Variants in NAV1 observed in about 807,000 individuals in gnomAD.
The protein encoded by NAV1 is neuron navigator 1, also known as pore membrane and/or filament interacting like protein 3.
NAV1 carries 18 observed loss-of-function variants against 175.2 expected under a neutral mutation model. The observed-to-expected ratio is 0.10, with a 90% CI of 0.07 to 0.15. The LOEUF (loss-of-function observed/expected upper bound fraction) is 0.15. NAV1 is among the 10% of genes least tolerant of loss of function. The pLI is 1.00. For synonymous variants in NAV1, 897 were observed against 978.7 expected (o/e 0.92, Z 1.56); for missense variants, 1,731 against 2,436.6 (o/e 0.71, Z 6.10).
intron 15 of NAV1, among the ~76,000 whole-genome samples, chr1:201,799,085 AAAAAAAG>A (rs1677663905): frequency 2.0e-5 from 3 of 151,972 alleles, no homozygotes; most frequent in Admixed American, 6.6e-5. Context: ...CAAAAAAAAG[AAAAAAAG>A]AAAAAAGAAA....
At chr1:201,671,788 A>G (rs181012589) in intron 1 of NAV1, among the ~76,000 whole-genome samples, 92 of 152,310 alleles carry the variant, frequency 6.0e-4, no homozygotes, top group Admixed American at 1.2e-3. Flanking sequence ...GGGAGTTCCC[A>G]TGGGGAACCA....
At chr1:201,800,893 A>G (rs559107299) in intron 15 of NAV1, among the ~76,000 whole-genome samples, 1 of 136,786 alleles carries the variant, frequency 7.3e-6, no homozygotes, top group African/African-American at 2.7e-5. Context: ...TAGTTATGCA[A>G]TCTCAGCCCA....
At chr1:201,558,859 G>C (rs1278171275) in intron 1 of NAV1, among the ~76,000 whole-genome samples, 1 of 152,162 alleles carries the variant, frequency 6.6e-6, no homozygotes, top group African/African-American at 2.4e-5. Context: ...TCCTCTTTGG[G>C]GTCTGGCTTC....
At chr1:201,549,127 CTTT>C (rs1665764394) in intron 1 of NAV1, among the ~76,000 whole-genome samples, 2 of 144,680 alleles carry the variant, frequency 1.4e-5, no homozygotes, top group African/African-American at 5.0e-5. Context: ...TTCTTTCTTT[CTTT>C]CTTTCTTTCT....
Position 201,577,948 on chromosome 1 carries a change from G to T in NAV1, c.-143-10591G>T, listed in dbSNP as rs192456772. On this transcript the variant is annotated intron_variant, in intron 1 of 33. Transcript: ENST00000685211. ...AAGATTGTTTCTTTGTCTTTAACTC[G>T]CAGATGCTTAATTTGTGATTTCTTT... Among the ~76,000 whole-genome samples the T allele has an allele frequency of 1.1e-3, 160 of 152,150 alleles. 1 individual carries two copies. Among genetic ancestry groups the T allele is most frequent in the African/African-American group, 3.8e-3 (158 of 41,486 alleles).
At chr1:201,703,984 G>A (rs1347447470) in intron 1 of NAV1, among the ~76,000 whole-genome samples, 2 of 152,194 alleles carry the variant, frequency 1.3e-5, no homozygotes, top group African/African-American at 4.8e-5. Flanking sequence ...CAGGGGACTG[G>A]AGCAGAAAGG....
At chr1:201,665,429 C>T (rs1417729805) in intron 1 of NAV1, among the ~76,000 whole-genome samples, 1 of 152,158 alleles carries the variant, frequency 6.6e-6, no homozygotes, top group Admixed American at 6.5e-5. Context: ...GCTGAGGGCT[C>T]ATGGAGATGG....
rs1481901169 is a variant in NAV1 at position 201,803,656 on chromosome 1, A to G, written c.3581A>G (p.His1194Arg). Residue 1194 changes from histidine to arginine, a missense_variant, in exon 16 of 30, where the codon CAT (histidine) becomes CGT (arginine). Coordinates refer to ENST00000367296, the Ensembl canonical transcript of NAV1. ...TCAAGCCTCAACAGCATCACTAGCCATTCCAGCATCGGCAGCAGCAAGGAT... is the reference window on the plus strand; with the variant it reads ...TCAAGCCTCAACAGCATCACTAGCCGTTCCAGCATCGGCAGCAGCAAGGAT... 1.4e-5 allele frequency: 23 copies of G among 1,613,764 alleles called. No individual in the cohort carries two copies. The highest frequency in any genetic ancestry group is 2.7e-5 in the African/African-American group (2 of 74,894).
intron 2 of NAV1, among the ~76,000 whole-genome samples, chr1:201,608,239 A>G (rs943214583): frequency 3.3e-5 from 5 of 152,230 alleles, no homozygotes; most frequent in Non-Finnish European, 5.9e-5. Flanking sequence ...TGCACAGCTT[A>G]TAAGTAGAAC....
intron 1 of NAV1, among the ~76,000 whole-genome samples, chr1:201,577,525 C>A (rs971326551): frequency 6.8e-6 from 1 of 146,232 alleles, no homozygotes; most frequent in African/African-American, 2.5e-5. Context: ...ACTCCAGCAC[C>A]ATTTGTTGGA....
chr1:201,731,237 C>T (rs943968236), intron 3 of NAV1, among the ~76,000 whole-genome samples: 4 of 151,938 alleles, frequency 2.6e-5, no homozygotes, highest in African/African-American at 4.8e-5. Context: ...AAATGAGAGA[C>T]AGACAGATAC....
At chr1:201,702,144 A>G (rs1571894068) in intron 1 of NAV1, among the ~76,000 whole-genome samples, 1 of 152,234 alleles carries the variant, frequency 6.6e-6, no homozygotes. Context: ...CACATATTGC[A>G]TGATTACATT....
In NAV1 at chr1:201,631,077, C is replaced by T. The variant is rs188166216; in HGVS notation, c.4+1570C>T. Among the ~76,000 whole-genome samples, 134 of 152,282 alleles carry T rather than the reference C, an allele frequency of 8.8e-4. 1 individual carries two copies. The highest frequency in any genetic ancestry group is 3.1e-3 in the African/African-American group (130 of 41,564). The stretch of plus-strand genomic sequence containing the variant: ...TCACGGTTGGGTACCTCTGGGGGGA[C>T]AGAGTGCCGGGGAACATTTGGAGGA... On this transcript the variant is annotated intron_variant, in intron 2 of 29. Transcript: ENST00000367302.
At chr1:201,709,825 G>A (rs530132484) in intron 1 of NAV1, among the ~76,000 whole-genome samples, 1 of 152,222 alleles carries the variant, frequency 6.6e-6, no homozygotes, top group Non-Finnish European at 1.5e-5. Flanking sequence ...GCTGCCTGGA[G>A]TCAAGTGTTC....
rs1482639754 is a variant in NAV1 at position 201,625,317 on chromosome 1, G to T, written c.-101+1711G>T. Among the ~76,000 whole-genome samples, 3 of 152,228 alleles carry T rather than the reference G, an allele frequency of 2.0e-5. No homozygotes were observed. The East Asian group carries it at 5.8e-4, about 29-fold the overall frequency. On this transcript the variant is annotated intron_variant, in intron 1 of 29. Transcript: ENST00000367302. ...TTACTTGGTGCAGCTCCAAAGACCT[G>T]ACTCATCACCATGGTGGTTAGAAGT...
chr1:201,649,127 G>A lies in NAV1; in HGVS notation c.459G>A (p.Pro153=), dbSNP rs1220101931. The A allele has an allele frequency of 2.5e-6, 4 of 1,612,250 alleles. No individual in the cohort carries two copies. The Admixed American group carries it at 6.7e-5, about 27-fold the overall frequency. The change falls in exon 1 of 30, where the codon CCG becomes CCA. Residue 153 remains proline (P), a synonymous_variant. Coordinates refer to ENST00000367296, the Ensembl canonical transcript of NAV1. ...CGCTCTTCCAGGCCAAGGGCAGCCCGGCGGGCGGCGCCAAGACCCCCCTGG... is the reference window on the plus strand; with the variant it reads ...CGCTCTTCCAGGCCAAGGGCAGCCCAGCGGGCGGCGCCAAGACCCCCCTGG...
chr1:201,545,903 C>T (rs1171407622), intron 1 of NAV1, among the ~76,000 whole-genome samples: 2 of 152,194 alleles, frequency 1.3e-5, no homozygotes, highest in Non-Finnish European at 2.9e-5. Flanking sequence ...TTTTGGTAGA[C>T]TTCAAGCATA....
At chr1:201,562,714 G>A (rs952232453) in intron 1 of NAV1, among the ~76,000 whole-genome samples, 1 of 152,200 alleles carries the variant, frequency 6.6e-6, no homozygotes, top group Non-Finnish European at 1.5e-5. Context: ...AGCAGAATGT[G>A]GCATCTCTTT....
chr1:201,573,343 A>G (rs1425009514), intron 1 of NAV1, among the ~76,000 whole-genome samples: 1 of 151,542 alleles, frequency 6.6e-6, no homozygotes, highest in African/African-American at 2.4e-5. Flanking sequence ...GTGTGTGTGC[A>G]CACCTGTACC....
Sources: gnomAD v4.1 joint callset for allele counts (sites outside exome capture counted in the v4.1 genomes callset) on GRCh38, gnomAD v4.1.1 for gene constraint, MANE v1.5 for transcripts, NCBI Gene and HGNC (gene_info 2026-07-23, HGNC 2026-07-21) for gene names.